Variants in MINK1 observed in about 807,000 individuals in gnomAD.
MINK1 encodes misshapen like kinase 1.
In MINK1, 46 loss-of-function variants were observed where a neutral mutation model predicts 178.4. The ratio of observed to expected loss-of-function variants is 0.26; its 90% CI spans 0.20 to 0.33. The LOEUF is 0.33. MINK1 is among the 10% of genes least tolerant of loss of function. The probability of loss-of-function intolerance (pLI) is 1.00; values close to 1 mark genes in which losing one functional copy is unlikely to be tolerated. For synonymous variants in MINK1, 797 were observed against 709.7 expected (o/e 1.12, Z -1.96); for missense variants, 1,366 against 1,814.9 (o/e 0.75, Z 4.49).
In MINK1 at chr17:4,892,550, C is replaced by T. The variant is rs761635856; in HGVS notation, c.2198+38C>T. 9 of 1,540,640 alleles carry T rather than the reference C, an allele frequency of 5.8e-6. No homozygotes were observed. The Admixed American group carries it at 9.0e-5, about 15-fold the overall frequency. On this transcript the variant is annotated intron_variant, in intron 18 of 31. Coordinates refer to ENST00000355280, the MANE Select transcript of MINK1 (RefSeq NM_153827.5). Reference sequence around the variant, plus strand: ...TCCCCCAACTCACTCTCACCTCTCACTTCTGCCACCCGCTTCCCTGGTGAT... The same window carrying T: ...TCCCCCAACTCACTCTCACCTCTCATTTCTGCCACCCGCTTCCCTGGTGAT...
chr17:4,886,327 T>C lies in MINK1; in HGVS notation c.774-124T>C. ...ATTCTGGGGGGCAGAGGGCGGTGAC[T>C]GGTGTTGGGATATGAAGACAGGAGG... On this transcript the variant is annotated intron_variant, in intron 9 of 31. Transcript: ENST00000355280. The surrounding 1 kb of genome is among the most constrained non-coding windows in gnomAD (Gnocchi z 6.1). The C allele has an allele frequency of 1.3e-6, 2 of 1,494,370 alleles. No homozygotes were observed. The highest frequency in any genetic ancestry group is 2.3e-5 in the South Asian group (2 of 86,738). The allele number at this position is 1,494,370 out of a possible 1,614,324, so 92.6% of individuals were successfully genotyped here. A position where few individuals can be genotyped will look rare whatever the true frequency, so the allele number is the denominator to read the frequency against.
chr17:4,859,416 G>A (rs1913755116), intron 1 of MINK1: 1 of 657,240 alleles, frequency 1.5e-6, no homozygotes, highest in South Asian at 6.9e-5. Context: ...TAACTTCTCA[G>A]GATGTTAATT....
At position 4,895,863 on chromosome 17, in the gene MINK1, A is replaced by C; in HGVS notation, c.3364+31A>C. 6.2e-7 allele frequency: 1 copy of C among 1,607,270 alleles called. No individual in the cohort carries two copies. Among genetic ancestry groups the C allele is most frequent in the Non-Finnish European group, 8.5e-7 (1 of 1,175,880 alleles). On this transcript the variant is annotated intron_variant, in intron 27 of 31. Transcript: ENST00000355280. The surrounding 1 kb of genome is among the most constrained non-coding windows in gnomAD (Gnocchi z 4.3). ...GATGTCCCAACAGAGTGGCCAGCGCATACTTGTTCATGAAGAGAGAAATGG... is the reference window on the plus strand; with the variant it reads ...GATGTCCCAACAGAGTGGCCAGCGCCTACTTGTTCATGAAGAGAGAAATGG...
chr17:4,892,798 C>A, intron 19 of MINK1, 30 bp downstream of exon 19: 1 of 1,565,786 alleles, frequency 6.4e-7, no homozygotes, highest in East Asian at 2.3e-5. Flanking sequence ...GCAGCCTGCT[C>A]TGGGCCTGGG....
chr17:4,869,062 T>C (rs1245439141), intron 1 of MINK1, among the ~76,000 whole-genome samples: 2 of 151,962 alleles, frequency 1.3e-5, no homozygotes, highest in Non-Finnish European at 2.9e-5. Context: ...TAGCTGGGAC[T>C]ACAGGCGCCA....
chr17:4,851,499 C>A (rs73973639), intron 1 of MINK1, among the ~76,000 whole-genome samples: 1 of 152,130 alleles, frequency 6.6e-6, no homozygotes, highest in South Asian at 2.1e-4. Context: ...CGCTGTCTGC[C>A]CCCCTGCGAT....
At chr17:4,860,092 C>T (rs1239760455) in intron 1 of MINK1, among the ~76,000 whole-genome samples, 2 of 152,060 alleles carry the variant, frequency 1.3e-5, no homozygotes, top group South Asian at 4.1e-4. Context: ...TTGCCGCATG[C>T]GGAGCGGGGT....
At chr17:4,873,081 C>T (rs959198865) in intron 1 of MINK1, among the ~76,000 whole-genome samples, 3 of 152,132 alleles carry the variant, frequency 2.0e-5, no homozygotes, top group Admixed American at 6.5e-5. Context: ...GCTGCTCTGC[C>T]GCATTCGAGG....
At position 4,897,991 on chromosome 17, in the gene MINK1, C is replaced by CCCCCCCCCCCT. The variant is rs1555545738; in HGVS notation, c.*705_*706insCCCCCCCCCTC. 6.9e-6 allele frequency: 1 copy of CCCCCCCCCCCT among 145,848 alleles called. No individual in the cohort carries two copies. Among genetic ancestry groups the CCCCCCCCCCCT allele is most frequent in the Non-Finnish European group, 1.5e-5 (1 of 65,158 alleles). 9.0% of individuals were successfully genotyped at this position (145,848 alleles called of 1,614,324 possible). ...GCAAGTAACCCTTCTCCCTCCCCCC[C>CCCCCCCCCCCT]CACCCCTCCTCAATGTAGTGGCCTT... On this transcript the variant is annotated 3_prime_UTR_variant, in exon 32 of 32. Coordinates refer to ENST00000355280, the MANE Select transcript of MINK1 (RefSeq NM_153827.5).
At chr17:4,856,939 TTGA>T (rs1913250418) in intron 1 of MINK1, 2 of 166,284 alleles carry the variant, frequency 1.2e-5, no homozygotes, top group Admixed American at 6.4e-5. Flanking sequence ...CTGGTGGGTT[TTGA>T]GAGGGGCTGC....
At position 4,863,221 on chromosome 17, in the gene MINK1, C is replaced by T. The variant is rs536683551; in HGVS notation, c.58-15096C>T. Among the ~76,000 whole-genome samples, 5 of 152,280 alleles carry T rather than the reference C, an allele frequency of 3.3e-5. No homozygotes were observed. In the South Asian group the frequency reaches 8.3e-4, roughly 25 times the overall value. On this transcript the variant is annotated intron_variant, in intron 1 of 31. Coordinates refer to ENST00000355280, the MANE Select transcript of MINK1 (RefSeq NM_153827.5). The stretch of plus-strand genomic sequence containing the variant: ...GGGGATAGCTAGAGTCAGTTGGTCA[C>T]TCTCCCGCTTCTGTCTCCCCCTGTA...
At position 4,877,517 on chromosome 17, in the gene MINK1, G is replaced by A. The variant is rs540334157; in HGVS notation, c.58-800G>A. On this transcript the variant is annotated intron_variant, in intron 1 of 31. Transcript: ENST00000355280. Reference sequence around the variant, plus strand: ...TGGGAAGAGGGAAGGACAAAAGGATGGTGGCCCTGAAATTCCTGCTCCCTG... The same window carrying A: ...TGGGAAGAGGGAAGGACAAAAGGATAGTGGCCCTGAAATTCCTGCTCCCTG... Among the ~76,000 whole-genome samples the A allele has an allele frequency of 2.0e-5, 3 of 152,280 alleles. No homozygotes were observed. The South Asian group carries it at 6.2e-4, about 32-fold the overall frequency.
intron 1 of MINK1, among the ~76,000 whole-genome samples, chr17:4,871,433 A>G (rs759667413): frequency 6.6e-6 from 1 of 151,550 alleles, no homozygotes; most frequent in Non-Finnish European, 1.5e-5. Context: ...GCAGTCTCAA[A>G]CCACTTGACC....
At chr17:4,879,286 C>T (rs1967484052) in intron 2 of MINK1, among the ~76,000 whole-genome samples, 3 of 152,332 alleles carry the variant, frequency 2.0e-5, no homozygotes, top group African/African-American at 4.8e-5. Flanking sequence ...AGGGAGGATG[C>T]TCAGGGTGAA....
At chr17:4,893,836 C>T (rs1456851810) in intron 21 of MINK1, 152 bp from the exon 22 acceptor site, 4 of 861,392 alleles carry the variant, frequency 4.6e-6, no homozygotes, top group Non-Finnish European at 7.0e-6. Context: ...CAGGGAAGCA[C>T]CTCACGGTGG....
Position 4,850,908 on chromosome 17 carries a change from C to T in MINK1, c.57+17268C>T, listed in dbSNP as rs186975200. Reference sequence around the variant, plus strand: ...GCCAGCCTGAACGGGCCTGGCATCTCCTTTCTGCCCCCTCCCACTGCCATG... The same window carrying T: ...GCCAGCCTGAACGGGCCTGGCATCTTCTTTCTGCCCCCTCCCACTGCCATG... On this transcript the variant is annotated intron_variant, in intron 1 of 31. Coordinates refer to ENST00000355280, the MANE Select transcript of MINK1 (RefSeq NM_153827.5). 611 of 405,260 alleles carry T rather than the reference C, an allele frequency of 1.5e-3. 2 individuals carry two copies. The Middle Eastern group carries it at 0.016, about 11-fold the overall frequency. 25.1% of individuals were successfully genotyped at this position (405,260 alleles called of 1,614,324 possible).
At position 4,836,143 on chromosome 17, in the gene MINK1, A is replaced by G. The variant is rs1347850355; in HGVS notation, c.57+2503A>G. 6.6e-6 allele frequency among the ~76,000 whole-genome samples: 1 copy of G among 152,142 alleles called. No individual in the cohort carries two copies. The highest frequency in any genetic ancestry group is 2.4e-5 in the African/African-American group (1 of 41,420). ...CTTGTGCTATTCCTGTCTGTTTTCC[A>G]GTGAGAAATGGTGTCTCCCTTTACT... is the stretch of plus-strand genomic sequence containing the variant. On this transcript the variant is annotated intron_variant, in intron 1 of 31. Coordinates refer to ENST00000355280, the MANE Select transcript of MINK1 (RefSeq NM_153827.5). This position sits in a 1 kb window ranked among gnomAD's most constrained non-coding sequence, Gnocchi z 4.3.
At chr17:4,860,794 C>A (rs376343404) in intron 1 of MINK1, 17 of 519,958 alleles carry the variant, frequency 3.3e-5, no homozygotes, top group Non-Finnish European at 6.2e-5. Context: ...GACCACGGCG[C>A]TGTGTCCCTT....
chr17:4,894,396 T>C lies in MINK1; in HGVS notation c.2808+85T>C. 4 of 1,551,296 alleles carry C rather than the reference T, an allele frequency of 2.6e-6. No individual in the cohort carries two copies. In the South Asian group the frequency reaches 3.6e-5, roughly 14 times the overall value. ...CCCGGTGCTGGGTAACGGCAGAGGA[T>C]GGGGCGGAGCGCTGGGAGCTGGACA... On this transcript the variant is annotated intron_variant, in intron 23 of 31. Coordinates refer to ENST00000355280, the MANE Select transcript of MINK1 (RefSeq NM_153827.5). The surrounding 1 kb of genome is among the most constrained non-coding windows in gnomAD (Gnocchi z 4.1).
Sources: allele counts gnomAD v4.1 joint callset (sites outside exome capture counted in the v4.1 genomes callset), GRCh38; gene constraint gnomAD v4.1.1; non-coding constraint Gnocchi (gnomAD v3.1); transcripts MANE v1.5; gene names NCBI Gene and HGNC (gene_info 2026-07-23, HGNC 2026-07-21).